Variants in ENTREP2 observed in about 807,000 individuals in gnomAD.
ENTREP2 encodes the protein endosomal transmembrane epsin interactor 2, also known as protein ENTREP2.
chr15:29,399,938 C>T, the ENTREP2 span, among the ~76,000 whole-genome samples: 43,607 of 151,986 alleles, frequency 0.29, 7,884 homozygotes, highest in African/African-American at 0.52. Context: ...GAGGAGGGCT[C>T]AGTCTTGCCA....
At chr15:29,299,453 C>A in the ENTREP2 span, among the ~76,000 whole-genome samples, 2 of 152,202 alleles carry the variant, frequency 1.3e-5, no homozygotes, top group Admixed American at 6.5e-5. Flanking sequence ...AGCACACTGG[C>A]TTCTTGACTG....
At chr15:29,300,627 C>T in the ENTREP2 span, among the ~76,000 whole-genome samples, 1 of 152,108 alleles carries the variant, frequency 6.6e-6, no homozygotes, top group Non-Finnish European at 1.5e-5. Flanking sequence ...GAGATGGAGT[C>T]TCGCTCTGTC....
chr15:29,585,713 G>A, the ENTREP2 span, among the ~76,000 whole-genome samples: 32 of 152,112 alleles, frequency 2.1e-4, no homozygotes, highest in African/African-American at 5.8e-4. Flanking sequence ...AAAATTAGCC[G>A]GGCGCGGTGG....
the ENTREP2 span, among the ~76,000 whole-genome samples, chr15:29,247,774 C>G: frequency 6.6e-6 from 1 of 152,102 alleles, no homozygotes; most frequent in African/African-American, 2.4e-5. Context: ...TGAATTCAGT[C>G]TGGTAGGACA....
the ENTREP2 span, among the ~76,000 whole-genome samples, chr15:29,190,368 A>G: frequency 6.6e-6 from 1 of 152,188 alleles, no homozygotes; most frequent in African/African-American, 2.4e-5. Context: ...CTAAAAAAAA[A>G]AAACAGAGAA....
At chr15:29,582,393 G>A in the ENTREP2 span, among the ~76,000 whole-genome samples, 1 of 152,140 alleles carries the variant, frequency 6.6e-6, no homozygotes, top group South Asian at 2.1e-4. Flanking sequence ...TAAACAAAAA[G>A]CAGTACAAGA....
the ENTREP2 span, among the ~76,000 whole-genome samples, chr15:29,441,300 C>G: frequency 6.6e-6 from 1 of 152,048 alleles, no homozygotes; most frequent in Non-Finnish European, 1.5e-5. Flanking sequence ...GTTGCCAGAG[C>G]CTGGGGAGAG....
At chr15:29,366,084 T>C in the ENTREP2 span, among the ~76,000 whole-genome samples, 1 of 152,192 alleles carries the variant, frequency 6.6e-6, no homozygotes, top group African/African-American at 2.4e-5. Flanking sequence ...ACTATTATTA[T>C]TATTTTCGAG....
chr15:29,577,473 C>T, the ENTREP2 span, among the ~76,000 whole-genome samples: 4 of 152,150 alleles, frequency 2.6e-5, no homozygotes, highest in South Asian at 4.2e-4. Flanking sequence ...CTCACCTCAG[C>T]CTCTCAGGTA....
the ENTREP2 span, among the ~76,000 whole-genome samples, chr15:29,463,209 C>T: frequency 1.3e-5 from 2 of 152,176 alleles, no homozygotes; most frequent in African/African-American, 4.8e-5. Context: ...CAGAGACACC[C>T]ACCAGGCTGG....
chr15:29,491,081 T>C, the ENTREP2 span, among the ~76,000 whole-genome samples: 6,155 of 152,218 alleles, frequency 0.04, 398 homozygotes, highest in African/African-American at 0.14. Context: ...CCAGCAGTGC[T>C]AGGAGACCCA....
the ENTREP2 span, among the ~76,000 whole-genome samples, chr15:29,223,634 A>C: frequency 6.5e-3 from 983 of 152,156 alleles, 4 homozygotes; most frequent in Middle Eastern, 0.024. Flanking sequence ...TGGAGACCAC[A>C]CTTCTTGCAG....
chr15:29,303,741 T>C, the ENTREP2 span, among the ~76,000 whole-genome samples: 1 of 151,608 alleles, frequency 6.6e-6, no homozygotes, highest in South Asian at 2.1e-4. Flanking sequence ...TGAGAACATG[T>C]GGTATTTGGT....
the ENTREP2 span, among the ~76,000 whole-genome samples, chr15:29,329,511 G>C: frequency 6.6e-6 from 1 of 152,174 alleles, no homozygotes; most frequent in Non-Finnish European, 1.5e-5. Flanking sequence ...TGTCAGCTGA[G>C]TGAACCTAGA....
the ENTREP2 span, among the ~76,000 whole-genome samples, chr15:29,635,379 C>T: frequency 3.9e-5 from 6 of 152,118 alleles, no homozygotes; most frequent in South Asian, 6.2e-4. Flanking sequence ...TGCCAGGAAA[C>T]GGGGTTCACA....
the ENTREP2 span, among the ~76,000 whole-genome samples, chr15:29,537,689 G>A: frequency 1.8e-4 from 27 of 152,240 alleles, no homozygotes; most frequent in Admixed American, 1.4e-3. Context: ...GTTAGAATAA[G>A]TTAGGTCAGG....
chr15:29,239,331 TCACCTCCCAGAAAC>T, the ENTREP2 span, among the ~76,000 whole-genome samples: 3 of 152,148 alleles, frequency 2.0e-5, no homozygotes, highest in Admixed American at 6.5e-5. Context: ...ATTCTGGCCT[TCACCTCCCAGAAAC>T]CACGCATCAT....
the ENTREP2 span, among the ~76,000 whole-genome samples, chr15:29,283,165 G>A: frequency 6.6e-6 from 1 of 152,174 alleles, no homozygotes; most frequent in East Asian, 1.9e-4. Flanking sequence ...TGGGGGCTCT[G>A]GAGCAGATGA....
At chr15:29,665,885 G>A in the ENTREP2 span, among the ~76,000 whole-genome samples, 3 of 135,322 alleles carry the variant, frequency 2.2e-5, no homozygotes, top group Non-Finnish European at 3.0e-5. Context: ...CCAGAGTCTC[G>A]CTCTGTCTCC....
Sources: gnomAD v4.1 joint callset for allele counts (sites outside exome capture counted in the v4.1 genomes callset) on GRCh38, gnomAD v4.1.1 for gene constraint, MANE v1.5 for transcripts, NCBI Gene and HGNC (gene_info 2026-07-23, HGNC 2026-07-21) for gene names.